The following XPR1 variants were observed in gnomAD, a reference collection of about 807,000 sequenced individuals.
XPR1 encodes solute carrier family 53 member 1.
In XPR1, 28 loss-of-function variants were observed where a neutral mutation model predicts 87.5. The ratio of observed to expected loss-of-function variants is 0.32; its 90% CI spans 0.24 to 0.44. The LOEUF (loss-of-function observed/expected upper bound fraction) is 0.44. Among genes scored for constraint, XPR1 ranks in the 20% least tolerant of loss-of-function variants. The probability of loss-of-function intolerance (pLI) is 1.00; values close to 1 mark genes in which losing one functional copy is unlikely to be tolerated. For synonymous variants in XPR1, 300 were observed against 306.1 expected (o/e 0.98, Z 0.21); for missense variants, 559 against 862.3 (o/e 0.65, Z 4.41).
rs188952706 is a variant in XPR1 at position 180,663,714 on chromosome 1, G to A, written c.70-18646G>A. On this transcript the variant is annotated intron_variant, in intron 1 of 14. Transcript: ENST00000367590. ...AGGTAGTGAATCCAGCCAGGCTTGT[G>A]TTCTTCTCTTAAGGGTGGCAAGTTC... 4.6e-3 allele frequency among the ~76,000 whole-genome samples: 698 copies of A among 152,306 alleles called. 12 individuals are homozygous for A. Among genetic ancestry groups the A allele is most frequent in the African/African-American group, 0.016 (675 of 41,546 alleles).
intron 2 of XPR1, among the ~76,000 whole-genome samples, chr1:180,692,771 A>G (rs1263681429): frequency 6.6e-6 from 1 of 152,178 alleles, no homozygotes; most frequent in Admixed American, 6.6e-5. Flanking sequence ...TTTAATGCTC[A>G]TTGTTATGAC....
intron 11 of XPR1, among the ~76,000 whole-genome samples, chr1:180,858,555 G>A (rs1652111115): frequency 6.6e-6 from 1 of 152,132 alleles, no homozygotes; most frequent in Non-Finnish European, 1.5e-5. Flanking sequence ...CCTTAGATGA[G>A]GATTCCTCAT....
intron 11 of XPR1, among the ~76,000 whole-genome samples, chr1:180,847,626 C>G (rs1261791254): frequency 6.6e-6 from 1 of 152,118 alleles, no homozygotes; most frequent in Non-Finnish European, 1.5e-5. Flanking sequence ...GATATCCTCT[C>G]CACCATCTGT....
intron 1 of XPR1, among the ~76,000 whole-genome samples, chr1:180,650,258 ATGGGTTT>A (rs1321546595): frequency 6.6e-6 from 1 of 150,644 alleles, no homozygotes; most frequent in Non-Finnish European, 1.5e-5. Context: ...TTTCTTAGAG[ATGGGTTT>A]TGCTTTGTTG....
rs1227004081 is a variant in XPR1, at chr1:180,806,165, C to T, written c.551C>T (p.Pro184Leu). 32 of 1,613,390 alleles carry T rather than the reference C, an allele frequency of 2.0e-5. No individual in the cohort carries two copies. Among genetic ancestry groups the T allele is most frequent in the Non-Finnish European group, 2.7e-5 (32 of 1,179,602 alleles). Reference protein sequence around the residue: ...DWRVAHVEVAPFYTCKKINQL... With the variant: ...DWRVAHVEVALFYTCKKINQL... Reference sequence around the variant, plus strand: ...CGAGTGGCTCACGTAGAGGTGGCCCCATTTTATACATGCAAGAAAATCAAC... The same window carrying T: ...CGAGTGGCTCACGTAGAGGTGGCCCTATTTTATACATGCAAGAAAATCAAC... Residue 184 changes from proline (P) to leucine (L), a missense_variant, in exon 5 of 15, where the codon CCA (proline) becomes CTA (leucine). Coordinates refer to ENST00000367590, the MANE Select transcript of XPR1 (RefSeq NM_004736.4).
chr1:180,765,473 G>A (rs1302469744), intron 2 of XPR1, among the ~76,000 whole-genome samples: 4 of 152,032 alleles, frequency 2.6e-5, no homozygotes, highest in African/African-American at 9.7e-5. Context: ...GAAAATCTAG[G>A]TCAAGTTCCA....
At chr1:180,799,799 A>G (rs577575436) in intron 3 of XPR1, among the ~76,000 whole-genome samples, 4 of 152,296 alleles carry the variant, frequency 2.6e-5, no homozygotes, top group African/African-American at 9.6e-5. Context: ...GTGTAGCTGC[A>G]TGCCAGGGGC....
At chr1:180,647,517 A>G (rs1321432059) in intron 1 of XPR1, among the ~76,000 whole-genome samples, 1 of 152,140 alleles carries the variant, frequency 6.6e-6, no homozygotes, top group African/African-American at 2.4e-5. Context: ...GCACTTGACT[A>G]CTGTAGGTTT....
intron 2 of XPR1, among the ~76,000 whole-genome samples, chr1:180,682,894 G>A (rs1656628060): frequency 6.6e-6 from 1 of 152,000 alleles, no homozygotes; most frequent in Admixed American, 6.6e-5. Flanking sequence ...TCTCGTGTCA[G>A]TAAATAGGAG....
In XPR1 at chr1:180,771,085, ATG is replaced by A. The variant is rs370635948; in HGVS notation, c.122-16664_122-16663del. On this transcript the variant is annotated intron_variant, in intron 2 of 14. Coordinates refer to ENST00000367590, the MANE Select transcript of XPR1 (RefSeq NM_004736.4). The stretch of plus-strand genomic sequence containing the variant: ...TCTGTTTTCTCTCAAAGCACAGGGA[ATG>A]TGTTTGCCTCCTTCATCACTATATC... Among the ~76,000 whole-genome samples the A allele has an allele frequency of 2.6e-3, 395 of 152,272 alleles. 1 individual carries two copies. Among genetic ancestry groups the A allele is most frequent in the African/African-American group, 9.2e-3 (384 of 41,562 alleles).
intron 2 of XPR1, among the ~76,000 whole-genome samples, chr1:180,762,867 A>G (rs1266224528): frequency 2.0e-5 from 3 of 150,596 alleles, no homozygotes; most frequent in Non-Finnish European, 4.4e-5. Flanking sequence ...TTGCTGTGAT[A>G]GTAAAAAGCT....
At chr1:180,837,840 AT>A (rs1651356326) in intron 11 of XPR1, among the ~76,000 whole-genome samples, 1 of 152,164 alleles carries the variant, frequency 6.6e-6, no homozygotes, top group African/African-American at 2.4e-5. Context: ...TTACTAGAGA[AT>A]TTATAAATTG....
At chr1:180,726,169 A>G (rs900355495) in intron 2 of XPR1, among the ~76,000 whole-genome samples, 3 of 152,056 alleles carry the variant, frequency 2.0e-5, no homozygotes, top group African/African-American at 7.2e-5. Flanking sequence ...AATCAGCGCT[A>G]TGTGTCTAGC....
chr1:180,827,236 C>T (rs567276482), intron 9 of XPR1, among the ~76,000 whole-genome samples: 2 of 151,852 alleles, frequency 1.3e-5, no homozygotes, highest in South Asian at 4.2e-4. Context: ...GTGTTCCTCC[C>T]GCCTTGGCCT....
chr1:180,744,918 A>G (rs887820972), intron 2 of XPR1, among the ~76,000 whole-genome samples: 27 of 152,048 alleles, frequency 1.8e-4, no homozygotes, highest in African/African-American at 6.5e-4. Context: ...CCCAAAGTGC[A>G]GGGATTACAG....
rs1446808833 is a variant in XPR1 at position 180,887,287 on chromosome 1, A to G, written c.*3221A>G. The G allele has an allele frequency of 6.6e-6, 1 of 152,268 alleles. No individual in the cohort carries two copies. Among genetic ancestry groups the G allele is most frequent in the African/African-American group, 2.4e-5 (1 of 41,468 alleles). The allele number at this position is 152,268 out of a possible 1,614,324, so 9.4% of individuals were successfully genotyped here. A position where few individuals can be genotyped will look rare whatever the true frequency, so the allele number is the denominator to read the frequency against. ...AGAAATTCTAGTTTTATTTTGGAGA[A>G]TCACTCAGTTTTTAATATCAATTAA... On this transcript the variant is annotated 3_prime_UTR_variant, in exon 15 of 15. Transcript: ENST00000367590.
At chr1:180,748,473 C>G (rs1647374773) in intron 2 of XPR1, among the ~76,000 whole-genome samples, 1 of 113,984 alleles carries the variant, frequency 8.8e-6, no homozygotes, top group Admixed American at 1.3e-4. Flanking sequence ...GGCTGGAGTG[C>G]AATGGCGCCA....
intron 2 of XPR1, among the ~76,000 whole-genome samples, chr1:180,733,454 G>A (rs1178818638): frequency 2.0e-5 from 3 of 152,138 alleles, no homozygotes; most frequent in Admixed American, 6.5e-5. Flanking sequence ...AGTCAGTATT[G>A]TGCTATATTT....
At position 180,632,189 on chromosome 1, in the gene XPR1, G is replaced by T. The variant is rs1654606232; in HGVS notation, c.-13G>T. Reference sequence around the variant, plus strand: ...CTGCTGGACCCGAGTGGGAGTGAGGGGGAAACGGCAGGATGAAGTTCGCCG... The same window carrying T: ...CTGCTGGACCCGAGTGGGAGTGAGGTGGAAACGGCAGGATGAAGTTCGCCG... On this transcript the variant is annotated 5_prime_UTR_variant, in exon 1 of 15. Coordinates refer to ENST00000367590, the MANE Select transcript of XPR1 (RefSeq NM_004736.4). The T allele has an allele frequency of 6.2e-7, 1 of 1,603,914 alleles. No individual in the cohort carries two copies. Among genetic ancestry groups the T allele is most frequent in the South Asian group, 1.1e-5 (1 of 89,424 alleles).
Sources: gnomAD v4.1 joint callset for allele counts (sites outside exome capture counted in the v4.1 genomes callset) on GRCh38, gnomAD v4.1.1 for gene constraint, MANE v1.5 for transcripts, NCBI Gene and HGNC (gene_info 2026-07-23, HGNC 2026-07-21) for gene names.